Variants in FGF1 observed in about 807,000 individuals in gnomAD.
FGF1 encodes beta-endothelial cell growth factor.
Under a neutral mutation model 13.4 loss-of-function variants are expected in FGF1, and 9 were observed. The observed-to-expected ratio is 0.67, with a 90% CI of 0.40 to 1.17. The LOEUF is 1.17. Among genes scored for constraint, FGF1 ranks in the 50% most tolerant of loss-of-function variants. The pLI is 0.01. For synonymous variants in FGF1, 93 were observed against 79.0 expected, an observed-to-expected ratio of 1.18 and a Z score of -0.94; for missense variants, 156 against 192.7, an observed-to-expected ratio of 0.81 and a Z score of 1.13.
At chr5:142,635,136 T>TC (rs887399930) in intron 1 of FGF1, among the ~76,000 whole-genome samples, 1 of 152,162 alleles carries the variant, frequency 6.6e-6, no homozygotes, top group Non-Finnish European at 1.5e-5. Context: ...GAGACCTGGC[T>TC]CCCCCTGTGG....
At chr5:142,675,117 C>A (rs535267380) in intron 1 of FGF1, among the ~76,000 whole-genome samples, 4 of 152,294 alleles carry the variant, frequency 2.6e-5, no homozygotes, top group South Asian at 2.1e-4. Context: ...AACGCTCCCC[C>A]CTGCGCCGCA....
At chr5:142,665,504 C>G (rs1028281727) in intron 1 of FGF1, among the ~76,000 whole-genome samples, 4 of 152,130 alleles carry the variant, frequency 2.6e-5, no homozygotes, top group Non-Finnish European at 5.9e-5. Flanking sequence ...GACCTCCCCC[C>G]AACAAGGCTT....
intron 2 of FGF1, among the ~76,000 whole-genome samples, chr5:142,612,834 A>T (rs1759367370): frequency 6.6e-6 from 1 of 152,072 alleles, no homozygotes; most frequent in Non-Finnish European, 1.5e-5. Flanking sequence ...ATCCATCCCC[A>T]TTACCTGTGC....
At chr5:142,631,159 C>T (rs891337497) in intron 1 of FGF1, among the ~76,000 whole-genome samples, 4 of 152,220 alleles carry the variant, frequency 2.6e-5, no homozygotes, top group Non-Finnish European at 5.9e-5. Context: ...TCCCATTCTG[C>T]TCTTTGTTGT....
chr5:142,672,329 A>G (rs1771628499), intron 1 of FGF1, among the ~76,000 whole-genome samples: 1 of 152,146 alleles, frequency 6.6e-6, no homozygotes, highest in South Asian at 2.1e-4. Context: ...ACATATACTC[A>G]TTAACTGAAC....
At chr5:142,665,825 T>C (rs147592551) in intron 1 of FGF1, among the ~76,000 whole-genome samples, 2 of 152,302 alleles carry the variant, frequency 1.3e-5, no homozygotes, top group Admixed American at 6.5e-5. Flanking sequence ...AGCTTTTCCT[T>C]TGGGGAGGCT....
chr5:142,694,029 G>GT (rs113510424), intron 2 of FGF1, among the ~76,000 whole-genome samples: 11,737 of 144,276 alleles, frequency 0.081, 716 homozygotes, highest in African/African-American at 0.16. Context: ...GTCTAGCAGT[G>GT]TTTTTTTTTT....
In FGF1 at chr5:142,654,322, T is replaced by A. The variant is rs113464129; in HGVS notation, c.-35+31635A>T. ...GCACATGAAATTTGGGGACTTTTGA[T>A]GCAGCAAGCTCACAAAATACAATCC... On this transcript the variant is annotated intron_variant, in intron 1 of 3. Transcript: ENST00000337706. 4.9e-3 allele frequency among the ~76,000 whole-genome samples: 739 copies of A among 152,324 alleles called. 1 individual carries two copies. Among genetic ancestry groups the A allele is most frequent in the African/African-American group, 0.016 (664 of 41,580 alleles).
chr5:142,599,279 G>A (rs1037921481), intron 3 of FGF1, among the ~76,000 whole-genome samples: 2 of 152,154 alleles, frequency 1.3e-5, no homozygotes, highest in African/African-American at 4.8e-5. Context: ...AGCCGTCCCA[G>A]GTGATCTGTA....
intron 1 of FGF1, among the ~76,000 whole-genome samples, chr5:142,636,888 G>T (rs921448774): frequency 2.6e-5 from 4 of 152,024 alleles, no homozygotes; most frequent in African/African-American, 9.7e-5. Flanking sequence ...GTAGGCACCT[G>T]TCTGAAGAAC....
intron 1 of FGF1, among the ~76,000 whole-genome samples, chr5:142,652,354 T>TG (rs1391183366): frequency 3.3e-5 from 5 of 152,302 alleles, no homozygotes; most frequent in Admixed American, 3.3e-4. Flanking sequence ...CAAGAGGCGC[T>TG]GGGACATTCA....
chr5:142,668,463 C>T (rs1035236927), intron 1 of FGF1, among the ~76,000 whole-genome samples: 10 of 152,192 alleles, frequency 6.6e-5, no homozygotes, highest in African/African-American at 2.4e-4. Flanking sequence ...GTCCCATCCT[C>T]TTGACACCCC....
intron 1 of FGF1, among the ~76,000 whole-genome samples, chr5:142,680,479 C>G (rs1341899615): frequency 1.3e-5 from 2 of 152,200 alleles, no homozygotes; most frequent in Non-Finnish European, 2.9e-5. Context: ...CATCTAGGCT[C>G]TGGTAAGCTG....
chr5:142,624,306 A>G (rs376132453), intron 1 of FGF1, among the ~76,000 whole-genome samples: 6 of 152,174 alleles, frequency 3.9e-5, no homozygotes, highest in Non-Finnish European at 5.9e-5. Context: ...GGCTCAAGCA[A>G]TCCTCCCACC....
At chr5:142,686,663 G>A (rs781654913), upstream of FGF1, among the ~76,000 whole-genome samples, 2 of 152,138 alleles carry the variant, frequency 1.3e-5, no homozygotes, top group Non-Finnish European at 2.9e-5. Context: ...GTCTGTGTGT[G>A]GCAACGTGTA....
intron 1 of FGF1, among the ~76,000 whole-genome samples, chr5:142,645,260 A>G (rs1765821994): frequency 6.6e-6 from 1 of 152,240 alleles, no homozygotes. Flanking sequence ...CTGAGCACTC[A>G]CAGCCCTGGC....
intron 1 of FGF1, among the ~76,000 whole-genome samples, chr5:142,636,661 GC>G (rs1764300581): frequency 6.6e-6 from 1 of 152,188 alleles, no homozygotes; most frequent in African/African-American, 2.4e-5. Context: ...CAGGTAATAA[GC>G]AATCTATAGG....
chr5:142,615,664 C>T (rs1451321684), intron 1 of FGF1, among the ~76,000 whole-genome samples: 1 of 152,186 alleles, frequency 6.6e-6, no homozygotes, highest in Non-Finnish European at 1.5e-5. Context: ...TCACCATAAT[C>T]CCTTGAAGTG....
chr5:142,671,315 G>A (rs1228620366), intron 1 of FGF1, among the ~76,000 whole-genome samples: 2 of 152,216 alleles, frequency 1.3e-5, no homozygotes, highest in Non-Finnish European at 2.9e-5. Flanking sequence ...TCTTTGGTCT[G>A]TGTTTTAGGG....
Sources: gnomAD v4.1 joint callset for allele counts (sites outside exome capture counted in the v4.1 genomes callset) on GRCh38, gnomAD v4.1.1 for gene constraint, MANE v1.5 for transcripts, NCBI Gene and HGNC (gene_info 2026-07-23, HGNC 2026-07-21) for gene names.